The following TIAM1 variants were observed in gnomAD, a reference collection of about 807,000 sequenced individuals.
TIAM1 encodes rho guanine nucleotide exchange factor TIAM1.
A neutral mutation model predicts 163.5 loss-of-function variants in TIAM1; 65 were observed. The ratio of observed to expected loss-of-function variants is 0.40; its 90% CI spans 0.33 to 0.49. The LOEUF (loss-of-function observed/expected upper bound fraction) is 0.49, where lower values mean the gene tolerates loss of function less well. TIAM1 is among the 20% of genes least tolerant of loss of function. The probability of loss-of-function intolerance (pLI) is 0.77; values close to 1 mark genes in which losing one functional copy is unlikely to be tolerated. For synonymous variants in TIAM1, 833 were observed against 810.1 expected, an observed-to-expected ratio of 1.03 and a Z score of -0.48; for missense variants, 1,789 against 2,044.7, an observed-to-expected ratio of 0.87 and a Z score of 2.41.
At chr21:31,522,434 C>T (rs1190651327) in intron 1 of TIAM1, among the ~76,000 whole-genome samples, 1 of 150,954 alleles carries the variant, frequency 6.6e-6, no homozygotes, top group African/African-American at 2.4e-5. Flanking sequence ...CGCTTGAACC[C>T]GGGAGGCAGA....
chr21:31,412,036 G>A (rs1205444976), intron 2 of TIAM1, among the ~76,000 whole-genome samples: 1 of 152,138 alleles, frequency 6.6e-6, no homozygotes, highest in Non-Finnish European at 1.5e-5. Flanking sequence ...ATCCACCTCG[G>A]TGTCTATCAA....
Position 31,251,919 on chromosome 21 carries a change from G to T in TIAM1, c.1234C>A (p.Gln412Lys). 14 of 1,613,778 alleles carry T rather than the reference G, an allele frequency of 8.7e-6. No homozygotes were observed. Among genetic ancestry groups the T allele is most frequent in the Non-Finnish European group, 1.2e-5 (14 of 1,179,910 alleles). The part of the protein sequence containing the change: ...EEAGSAHSDE[Q>K]SSGTLSSPGQ... ...GGAGAGCTCAGGGTGCCGCTGCTCTGCTCATCGCTGTGCGCCGAGCCGGCC... is the reference window on the plus strand; with the variant it reads ...GGAGAGCTCAGGGTGCCGCTGCTCTTCTCATCGCTGTGCGCCGAGCCGGCC... The change falls in exon 5 of 28, where the codon CAG becomes AAG. Residue 412 changes from glutamine (Q) to lysine (K), a missense_variant. By Grantham distance (53) the Gln-to-Lys change is moderately conservative. Transcript: ENST00000541036.
At chr21:31,508,930 A>C (rs772860696) in intron 1 of TIAM1, among the ~76,000 whole-genome samples, 3 of 152,110 alleles carry the variant, frequency 2.0e-5, no homozygotes, top group Non-Finnish European at 2.9e-5. Context: ...CATTTAGCAA[A>C]CTGGGCTGTG....
Position 31,195,205 on chromosome 21 carries a change from CAA to C in TIAM1, c.2575+17_2575+18del, listed in dbSNP as rs2085784037. The stretch of plus-strand genomic sequence containing the variant: ...GAAATACTTTACCTTAAAACACAAA[CAA>C]AGAAAAATAAACTTACCGTAAGTAT... On this transcript the variant is annotated intron_variant, in intron 13 of 27. Coordinates refer to ENST00000541036, the MANE Select transcript of TIAM1 (RefSeq NM_001353694.2). 1.9e-6 allele frequency: 3 copies of C among 1,589,274 alleles called. No homozygotes were observed. Among genetic ancestry groups the C allele is most frequent in the Non-Finnish European group, 1.7e-6 (2 of 1,160,836 alleles).
intron 12 of TIAM1, among the ~76,000 whole-genome samples, chr21:31,197,539 C>CTT (rs58141765): frequency 0.014 from 1,723 of 123,232 alleles, 64 homozygotes; most frequent in African/African-American, 0.053. Flanking sequence ...CCGCGCCCGG[C>CTT]TTTTTTTTTT....
At chr21:31,452,591 T>C (rs976773206) in intron 2 of TIAM1, 10 of 579,376 alleles carry the variant, frequency 1.7e-5, no homozygotes, top group African/African-American at 1.3e-4. Context: ...GGAATCGATA[T>C]AGCACTAAGT....
chr21:31,152,441 A>G (rs1322230628), intron 19 of TIAM1, among the ~76,000 whole-genome samples, 195 bp downstream of exon 19: 1 of 152,206 alleles, frequency 6.6e-6, no homozygotes, highest in Non-Finnish European at 1.5e-5. Flanking sequence ...CAGCAGCTGC[A>G]CCAGTTTAAT....
At chr21:31,179,247 C>T (rs916370332) in intron 15 of TIAM1, among the ~76,000 whole-genome samples, 2 of 151,352 alleles carry the variant, frequency 1.3e-5, no homozygotes, top group African/African-American at 2.4e-5. Context: ...ATTAGCCAGG[C>T]GAGGTGGCAG....
chr21:31,356,748 T>C (rs1255303400), intron 2 of TIAM1, among the ~76,000 whole-genome samples: 2 of 152,250 alleles, frequency 1.3e-5, no homozygotes, highest in Non-Finnish European at 2.9e-5. Flanking sequence ...TATTCTGTTA[T>C]AGCAGCACCA....
chr21:31,364,734 T>C (rs554503739), intron 2 of TIAM1, among the ~76,000 whole-genome samples: 30 of 152,056 alleles, frequency 2.0e-4, no homozygotes, highest in Non-Finnish European at 4.1e-4. Context: ...GATGGACGAA[T>C]GGACAGACTG....
At chr21:31,188,633 G>A (rs2085409064) in intron 13 of TIAM1, among the ~76,000 whole-genome samples, 1 of 152,124 alleles carries the variant, frequency 6.6e-6, no homozygotes, top group African/African-American at 2.4e-5. Context: ...GGAATGCAGT[G>A]GTGTGATCAT....
chr21:31,210,594 G>GAAAGAAAGAAAGAAAGAA (rs745349921), intron 10 of TIAM1, among the ~76,000 whole-genome samples: 4 of 94,648 alleles, frequency 4.2e-5, no homozygotes, highest in African/African-American at 2.5e-4. Flanking sequence ...AAGAAAGAAA[G>GAAAGAAAGAAAGAAAGAA]AGAGAAAGAA....
intron 2 of TIAM1, among the ~76,000 whole-genome samples, chr21:31,375,890 G>C (rs71321382): frequency 0.086 from 13,133 of 152,014 alleles, 620 homozygotes; most frequent in Middle Eastern, 0.13. Flanking sequence ...AGCCGGGCAT[G>C]ATGGTGGGCG....
At position 31,321,118 on chromosome 21, in the gene TIAM1, C is replaced by T. The variant is rs551582513; in HGVS notation, c.-189+18125G>A. ...AGTGAGCTATGATTGTGCTACCGCG[C>T]TCCAGCCTGGGCCACAGAAAGAAGG... On this transcript the variant is annotated intron_variant, in intron 2 of 27. Coordinates refer to ENST00000541036, the MANE Select transcript of TIAM1 (RefSeq NM_001353694.2). Among the ~76,000 whole-genome samples the T allele has an allele frequency of 5.9e-5, 9 of 152,102 alleles. No individual in the cohort carries two copies. In the East Asian group the frequency reaches 1.5e-3, roughly 26 times the overall value.
At chr21:31,229,299 T>C (rs2088259217) in intron 6 of TIAM1, among the ~76,000 whole-genome samples, 1 of 152,108 alleles carries the variant, frequency 6.6e-6, no homozygotes. Context: ...TTCAGTTTGT[T>C]AAACACCATC....
upstream of TIAM1, among the ~76,000 whole-genome samples, chr21:31,348,499 C>A (rs2076184759): frequency 6.6e-6 from 1 of 152,224 alleles, no homozygotes; most frequent in Non-Finnish European, 1.5e-5. Context: ...CCCAGCATAA[C>A]TGCAGTTCCA....
At chr21:31,546,250 A>AC (rs2048486026) in intron 1 of TIAM1, among the ~76,000 whole-genome samples, 1 of 151,402 alleles carries the variant, frequency 6.6e-6, no homozygotes, top group Non-Finnish European at 1.5e-5. Context: ...AGGAAAAAAA[A>AC]ATGTTAAAAA....
At chr21:31,345,431 A>G (rs539448719), upstream of TIAM1, among the ~76,000 whole-genome samples, 2 of 150,914 alleles carry the variant, frequency 1.3e-5, no homozygotes, top group African/African-American at 2.4e-5. Flanking sequence ...TCAAATATAT[A>G]TGTATATATA....
At chr21:31,343,991 G>A (rs1294745948) in intron 1 of TIAM1, 147 bp downstream of exon 1, 2 of 152,224 alleles carry the variant, frequency 1.3e-5, no homozygotes, top group South Asian at 4.1e-4. Context: ...AGGGGCACGG[G>A]ACGCACGGTT....
Sources: gnomAD v4.1 joint callset for allele counts (sites outside exome capture counted in the v4.1 genomes callset) on GRCh38, gnomAD v4.1.1 for gene constraint, MANE v1.5 for transcripts, NCBI Gene and HGNC (gene_info 2026-07-23, HGNC 2026-07-21) for gene names.